ST13: variants seen among roughly 807,000 people sequenced by gnomAD.
ST13 encodes the protein hsc70-interacting protein.
Under a neutral mutation model 56.7 loss-of-function variants are expected in ST13, and 23 were observed. The ratio of observed to expected loss-of-function variants is 0.41; its 90% confidence interval spans 0.29 to 0.57. The LOEUF is 0.57. ST13 is among the 20% of genes least tolerant of loss of function. ST13 has a pLI of 0.36. For missense variants in ST13, 369 were observed against 459.9 expected (o/e 0.80, Z 1.81); for synonymous variants, 132 against 142.4 (o/e 0.93, Z 0.52).
rs1398274684 is a variant in ST13 at position 40,830,836 on chromosome 22, T to C, written c.798+4A>G. On this transcript the variant is annotated splice_donor_region_variant and intron_variant, in intron 9 of 11. Transcript: ENST00000216218. The stretch of plus-strand genomic sequence containing the variant: ...CTTTCATGGCTTAGCTATAGGAAAT[T>C]TACCCTCTGGGCTCTCTCATGCTCT... 11 of 1,590,888 alleles carry C rather than the reference T, an allele frequency of 6.9e-6. No homozygotes were observed. Among genetic ancestry groups the C allele is most frequent in the Non-Finnish European group, 9.4e-6 (11 of 1,167,254 alleles).
intron 8 of ST13, among the ~76,000 whole-genome samples, 186 bp downstream of exon 8, chr22:40,832,383 G>C (rs181697633): frequency 1.3e-5 from 2 of 152,296 alleles, no homozygotes; most frequent in East Asian, 1.9e-4. Context: ...TAATGCATGA[G>C]AAATGAAAGC....
At chr22:40,840,927 C>T (rs535947129) in intron 4 of ST13, among the ~76,000 whole-genome samples, 19 of 152,246 alleles carry the variant, frequency 1.2e-4, no homozygotes, top group African/African-American at 4.6e-4. Context: ...ATAACCTTTG[C>T]TTAACCTTCC....
At position 40,842,026 on chromosome 22, in the gene ST13, T is replaced by C. The variant is rs192495463; in HGVS notation, c.316-1334A>G. Among the ~76,000 whole-genome samples, 33 of 152,332 alleles carry C rather than the reference T, an allele frequency of 2.2e-4. No homozygotes were observed. In the East Asian group the frequency reaches 6.2e-3, roughly 28 times the overall value. ...CAAATGCTAATACCGGCAAGCATAA[T>C]GGTATAAACCTGTCCTACAGAAACG... On this transcript the variant is annotated intron_variant, in intron 4 of 11. Coordinates refer to ENST00000216218, the MANE Select transcript of ST13 (RefSeq NM_003932.5).
intron 6 of ST13, 48 bp from the exon 7 acceptor site, chr22:40,835,718 T>G (rs749488813): frequency 1.2e-6 from 2 of 1,601,738 alleles, no homozygotes; most frequent in South Asian, 2.2e-5. Flanking sequence ...AGTAAAAGTT[T>G]TGGGATCAAC....
At chr22:40,852,859 GTT>G (rs1249149041) in intron 1 of ST13, among the ~76,000 whole-genome samples, 1 of 152,134 alleles carries the variant, frequency 6.6e-6, no homozygotes, top group Non-Finnish European at 1.5e-5. Context: ...AAGACACAGG[GTT>G]TCTTACACTG....
At chr22:40,846,943 C>T (rs915638450) in intron 3 of ST13, among the ~76,000 whole-genome samples, 2 of 151,500 alleles carry the variant, frequency 1.3e-5, no homozygotes, top group Non-Finnish European at 2.9e-5. Context: ...TGCAGTGAGC[C>T]GAAACTGTGC....
intron 7 of ST13, among the ~76,000 whole-genome samples, chr22:40,833,022 T>C (rs773371169): frequency 6.6e-6 from 1 of 152,158 alleles, no homozygotes; most frequent in Non-Finnish European, 1.5e-5. Flanking sequence ...CTACCTTCTA[T>C]GTAAGACAGA....
chr22:40,849,526 G>T (rs996665250), intron 2 of ST13, among the ~76,000 whole-genome samples: 1 of 146,606 alleles, frequency 6.8e-6, no homozygotes, highest in Non-Finnish European at 1.5e-5. Flanking sequence ...AACCTACCTT[G>T]TCACAAAATA....
chr22:40,848,346 C>G lies in ST13; in HGVS notation c.192G>C (p.Lys64Asn), dbSNP rs1185472451. Residue 64 changes from lysine (K) to asparagine (N), a missense_variant, in exon 3 of 12, where the codon AAG (lysine) becomes AAC (asparagine). Physicochemically the swap from Lys to Asn is moderately conservative, Grantham distance 94. This residue lies in a region of ST13 where 169 missense variants were observed against 175.6 expected (regional missense o/e 0.96). Transcript: ENST00000216218. ...CGTCTGCCTTTAAGTCTTCCTCCAC[C>G]TTCTTACTATCAGGTTTTTCTTCCT... is the stretch of plus-strand genomic sequence containing the variant. The part of the protein sequence containing the change: ...NTKEEKPDSK[K>N]VEEDLKADEP... 7.4e-6 allele frequency: 12 copies of G among 1,612,810 alleles called. No homozygotes were observed. Among genetic ancestry groups the G allele is most frequent in the Non-Finnish European group, 1.0e-5 (12 of 1,179,424 alleles).
In ST13 at chr22:40,856,594, G is replaced by A. The variant is rs910138210; in HGVS notation, c.-54C>T. On this transcript the variant is annotated 5_prime_UTR_variant, in exon 1 of 12. Coordinates refer to ENST00000216218, the MANE Select transcript of ST13 (RefSeq NM_003932.5). Reference sequence around the variant, plus strand: ...GGGCTACGGCCCGGTTCCAGGCCCAGGCGCTGGCTCGGCGTGACCGCGCAG... The same window carrying A: ...GGGCTACGGCCCGGTTCCAGGCCCAAGCGCTGGCTCGGCGTGACCGCGCAG... 1.0e-5 allele frequency: 15 copies of A among 1,496,124 alleles called. No individual in the cohort carries two copies. The highest frequency in any genetic ancestry group is 1.7e-5 in the Admixed American group (1 of 59,574). 92.7% of individuals were successfully genotyped at this position (1,496,124 alleles called of 1,614,324 possible). A position where few individuals can be genotyped will look rare whatever the true frequency, so the allele number is the denominator to read the frequency against.
At chr22:40,845,257 CTA>C (rs2057825287) in intron 3 of ST13, among the ~76,000 whole-genome samples, 1 of 152,084 alleles carries the variant, frequency 6.6e-6, no homozygotes, top group Non-Finnish European at 1.5e-5. Flanking sequence ...CACTGATGTA[CTA>C]TGTTTTTCAA....
chr22:40,828,448 CA>C (rs35951111), intron 10 of ST13, among the ~76,000 whole-genome samples: 82,205 of 135,240 alleles, frequency 0.61, 24,565 homozygotes, highest in African/African-American at 0.74. Flanking sequence ...ACTAAAAATA[CA>C]AAAAAAAAAA....
intron 3 of ST13, among the ~76,000 whole-genome samples, chr22:40,845,942 A>G (rs920002561): frequency 2.6e-5 from 4 of 152,182 alleles, no homozygotes; most frequent in South Asian, 4.1e-4. Flanking sequence ...ACATACAGGC[A>G]TATCGTTTTT....
intron 4 of ST13, among the ~76,000 whole-genome samples, chr22:40,841,949 A>C (rs1320418402): frequency 2.0e-5 from 3 of 152,184 alleles, no homozygotes; most frequent in African/African-American, 7.2e-5. Context: ...TATTCAGAGG[A>C]AGAGAATGTA....
At chr22:40,836,355 G>A (rs1011095880) in intron 5 of ST13, among the ~76,000 whole-genome samples, 1 of 152,150 alleles carries the variant, frequency 6.6e-6, no homozygotes, top group Non-Finnish European at 1.5e-5. Flanking sequence ...GGAGGCTGAG[G>A]AGTGGCGCGA....
intron 9 of ST13, 25 bp downstream of exon 9, chr22:40,830,815 C>T: frequency 6.6e-7 from 1 of 1,509,872 alleles, no homozygotes; most frequent in Non-Finnish European, 9.1e-7. Flanking sequence ...ATTTTCCTTT[C>T]ATGGCTTAGC....
chr22:40,854,393 C>T (rs757189291), intron 1 of ST13: 5 of 152,184 alleles, frequency 3.3e-5, no homozygotes, highest in African/African-American at 4.8e-5. Context: ...GATGCTTCAC[C>T]CCATACTTCA....
chr22:40,827,214 C>T lies in ST13; in HGVS notation c.863G>A (p.Gly288Glu), dbSNP rs1273719523. The T allele has an allele frequency of 1.9e-6, 3 of 1,613,440 alleles. No homozygotes were observed. The highest frequency in any genetic ancestry group is 1.7e-5 in the Admixed American group (1 of 59,996). ...YGSFPGGFPGGMPGNFPGGMP... is the reference protein window; with the variant it reads ...YGSFPGGFPGEMPGNFPGGMP... ...TCCTCCGGGAAAATTACCAGGCATT[C>T]CCCCAGGAAAGCCACCTGTAATAAA... The change falls in exon 11 of 12, where the codon GGA becomes GAA. Residue 288 changes from glycine to glutamate, a missense_variant. Around this residue, in one of 3 missense-constraint regions of ST13, gnomAD observed 136 missense variants for 159.2 expected, o/e 0.85. Coordinates refer to ENST00000216218, the MANE Select transcript of ST13 (RefSeq NM_003932.5).
chr22:40,836,933 A>G (rs1406225081), intron 5 of ST13, among the ~76,000 whole-genome samples: 1 of 152,174 alleles, frequency 6.6e-6, no homozygotes, highest in East Asian at 1.9e-4. Context: ...ATCCCACCTC[A>G]GCTTCCTGAG....
Sources: allele counts gnomAD v4.1 joint callset (sites outside exome capture counted in the v4.1 genomes callset), GRCh38; gene constraint gnomAD v4.1.1; regional missense constraint gnomAD v4.1.1; transcripts MANE v1.5; gene names NCBI Gene and HGNC (gene_info 2026-07-23, HGNC 2026-07-21).